Variants in KDM5A observed in about 807,000 individuals in gnomAD.
KDM5A encodes lysine demethylase 5A.
In KDM5A, 42 loss-of-function variants were observed where a neutral mutation model predicts 193.5. The observed-to-expected ratio is 0.22, with a 90% CI of 0.17 to 0.28. The LOEUF (loss-of-function observed/expected upper bound fraction) is 0.28. Among genes scored for constraint, KDM5A ranks in the 10% least tolerant of loss-of-function variants. KDM5A has a pLI of 1.00. For synonymous variants in KDM5A, 796 were observed against 718.1 expected, an observed-to-expected ratio of 1.11 and a Z score of -1.73; for missense variants, 1,692 against 2,055.1, an observed-to-expected ratio of 0.82 and a Z score of 3.42.
rs754011880 is a variant in KDM5A at position 307,033 on chromosome 12, T to C, written c.3987A>G (p.Ser1329=). The change falls in exon 24 of 28, where the codon TCA becomes TCG. Residue 1329 remains serine, a synonymous_variant. Coordinates refer to ENST00000399788, the MANE Select transcript of KDM5A (RefSeq NM_001042603.3). The surrounding 1 kb of genome is among the most constrained non-coding windows in gnomAD (Gnocchi z 4.3). ...AGTCCATTGTTTGTCGAGGAGAAGA[T>C]GACACACTGCTCACCACCCGGTTAA... ...SAFNRVVSSV[S]SSPRQTMDYD... The C allele has an allele frequency of 9.9e-6, 16 of 1,614,004 alleles. No homozygotes were observed. Among genetic ancestry groups the C allele is most frequent in the South Asian group, 9.9e-5 (9 of 91,082 alleles).
At position 363,006 on chromosome 12, in the gene KDM5A, CTTG is replaced by C; in HGVS notation, c.626_628del (p.Thr209del). ...TGTTCTCTTCGGCAGAATGTTCATC[CTTG>C]TGCCTGGCTCTGGGGAAGTTTGGGT... On this transcript the variant is annotated inframe_deletion, in exon 5 of 28. Coordinates refer to ENST00000399788, the MANE Select transcript of KDM5A (RefSeq NM_001042603.3). The C allele has an allele frequency of 6.2e-7, 1 of 1,614,166 alleles. No individual in the cohort carries two copies. The highest frequency in any genetic ancestry group is 8.5e-7 in the Non-Finnish European group (1 of 1,180,026).
At position 322,494 on chromosome 12, in the gene KDM5A, T is replaced by C; in HGVS notation, c.2349A>G (p.Lys783=). The C allele has an allele frequency of 6.2e-7, 1 of 1,613,658 alleles. No homozygotes were observed. The highest frequency in any genetic ancestry group is 8.5e-7 in the Non-Finnish European group (1 of 1,179,802). ...CAGCTTCTTTTACAGCATCCCTGAGTTTTCGAAAGAGATCATTCTCTGGGT... is the reference window on the plus strand; with the variant it reads ...CAGCTTCTTTTACAGCATCCCTGAGCTTTCGAAAGAGATCATTCTCTGGGT... The part of the protein sequence containing the change: ...RKYPENDLFR[K]LRDAVKEAET... The change falls in exon 17 of 28, where the codon AAA becomes AAG. Residue 783 remains lysine (K), a synonymous_variant. Transcript: ENST00000399788.
Position 333,483 on chromosome 12 carries a change from TCA to T in KDM5A, c.1653+2_1653+3del, listed in dbSNP as rs1247325750. 6.2e-7 allele frequency: 1 copy of T among 1,613,764 alleles called. No individual in the cohort carries two copies. The highest frequency in any genetic ancestry group is 8.5e-7 in the Non-Finnish European group (1 of 1,179,866). ...CAACTGAAGGAAGACACCAAAAGAC[TCA>T]CAGGCACACCATGCTCCATTAGCAC... On this transcript the variant is annotated splice_donor_variant and splice_donor_region_variant and intron_variant, in intron 12 of 27. Transcript: ENST00000399788. LOFTEE classifies it high-confidence loss of function.
rs369778981 is a variant in KDM5A at position 310,865 on chromosome 12, G to A, written c.3216+20C>T. 80 of 1,612,000 alleles carry A rather than the reference G, an allele frequency of 5.0e-5. No homozygotes were observed. The Admixed American group carries it at 5.8e-4, about 12-fold the overall frequency. ...TACTTAAATTATCAGCTGCTTATGA[G>A]AGTGTTGAAGTTCAAGTACCTGTAA... On this transcript the variant is annotated intron_variant, in intron 21 of 27. Transcript: ENST00000399788.
chr12:372,801 A>G (rs554377561), intron 3 of KDM5A, among the ~76,000 whole-genome samples: 2 of 152,348 alleles, frequency 1.3e-5, no homozygotes, highest in Admixed American at 6.5e-5. Context: ...TTTAGCATGA[A>G]GCATTGTTGA....
Position 307,499 on chromosome 12 carries a change from G to C in KDM5A, c.3885C>G (p.Ile1295Met). The change falls in exon 23 of 28, where the codon ATC becomes ATG. Residue 1295 changes from isoleucine (I) to methionine (M), a missense_variant. By Grantham distance (10) the Ile-to-Met change is conservative. Transcript: ENST00000399788. The surrounding 1 kb of genome is among the most constrained non-coding windows in gnomAD (Gnocchi z 4.3). The stretch of plus-strand genomic sequence containing the variant: ...CTGCTTTTTGGAGTTCTGCACTGAT[G>C]ATCTTTTCAGTTTTTTCTCGAGCCG... ...EQAAREKTEK[I>M]ISAELQKAAA... 1 of 1,613,728 alleles carries C rather than the reference G, an allele frequency of 6.2e-7. No homozygotes were observed. Among genetic ancestry groups the C allele is most frequent in the East Asian group, 2.2e-5 (1 of 44,878 alleles).
chr12:364,332 G>A (rs1381491425), intron 4 of KDM5A, among the ~76,000 whole-genome samples: 1 of 151,918 alleles, frequency 6.6e-6, no homozygotes, highest in African/African-American at 2.4e-5. Flanking sequence ...ATTAGCTGGG[G>A]GTGGTGGCAT....
chr12:371,471 G>A (rs555472298), intron 3 of KDM5A, among the ~76,000 whole-genome samples: 6 of 71,424 alleles, frequency 8.4e-5, no homozygotes, highest in South Asian at 3.9e-4. Context: ...TTTTTTTCTC[G>A]TAAATTTGAG....
chr12:342,461 T>G (rs7979745), intron 10 of KDM5A, among the ~76,000 whole-genome samples: 10,576 of 150,566 alleles, frequency 0.07, 892 homozygotes, highest in African/African-American at 0.21. Flanking sequence ...ATAAAATGTG[T>G]TTTTTTTTTC....
intron 3 of KDM5A, among the ~76,000 whole-genome samples, chr12:372,823 G>C (rs558105690): frequency 6.6e-6 from 1 of 152,256 alleles, no homozygotes; most frequent in South Asian, 2.1e-4. Context: ...TTTTGTCAAA[G>C]GCCTTTTCTG....
chr12:355,890 A>G (rs1944224742), intron 6 of KDM5A, among the ~76,000 whole-genome samples: 1 of 152,220 alleles, frequency 6.6e-6, no homozygotes, highest in Non-Finnish European at 1.5e-5. Context: ...GACATGTTAC[A>G]TAGAGAGAAC....
intron 26 of KDM5A, among the ~76,000 whole-genome samples, 166 bp from the exon 27 acceptor site, chr12:293,335 A>T (rs1943324468): frequency 6.6e-6 from 1 of 152,206 alleles, no homozygotes; most frequent in African/African-American, 2.4e-5. Flanking sequence ...TTTAGTGGGT[A>T]TAGTTTCTGT....
At chr12:354,875 G>T (rs1208322575) in intron 7 of KDM5A, among the ~76,000 whole-genome samples, 1 of 152,196 alleles carries the variant, frequency 6.6e-6, no homozygotes, top group East Asian at 1.9e-4. Context: ...GATAGAGAAT[G>T]AATACTGAGA....
chr12:386,412 G>T lies in KDM5A; in HGVS notation c.166-438C>A, dbSNP rs148663661. 8.1e-4 allele frequency among the ~76,000 whole-genome samples: 124 copies of T among 152,302 alleles called. 1 individual carries two copies. Among genetic ancestry groups the T allele is most frequent in the African/African-American group, 2.8e-3 (118 of 41,564 alleles). On this transcript the variant is annotated intron_variant, in intron 1 of 27. Coordinates refer to ENST00000399788, the MANE Select transcript of KDM5A (RefSeq NM_001042603.3). ...TGTCAGTAGCTCAGCCACCAGTGTGGACAATTTGTGGTTGTCTGGCATCAC... is the reference window on the plus strand; with the variant it reads ...TGTCAGTAGCTCAGCCACCAGTGTGTACAATTTGTGGTTGTCTGGCATCAC...
At position 308,049 on chromosome 12, in the gene KDM5A, A is replaced by G. The variant is rs1555128566; in HGVS notation, c.3379-44T>C. The G allele has an allele frequency of 9.6e-6, 15 of 1,566,798 alleles. No individual in the cohort carries two copies. The South Asian group carries it at 1.6e-4, about 16-fold the overall frequency. Reference sequence around the variant, plus strand: ...TAATTGAAAAGAGTCACTGCAATATACCCCCCAAAATACCAAATCCTCAAG... The same window carrying G: ...TAATTGAAAAGAGTCACTGCAATATGCCCCCCAAAATACCAAATCCTCAAG... On this transcript the variant is annotated intron_variant, in intron 22 of 27. Coordinates refer to ENST00000399788, the MANE Select transcript of KDM5A (RefSeq NM_001042603.3).
At chr12:316,895 C>T (rs1943656845) in intron 19 of KDM5A, among the ~76,000 whole-genome samples, 1 of 152,134 alleles carries the variant, frequency 6.6e-6, no homozygotes. Context: ...TAGTTAAGTA[C>T]ACAGAGGTAT....
chr12:361,487 C>T (rs1379304896), intron 5 of KDM5A, among the ~76,000 whole-genome samples: 3 of 152,172 alleles, frequency 2.0e-5, no homozygotes, highest in African/African-American at 4.8e-5. Flanking sequence ...AGCCACCATG[C>T]CCGGCCTGTA....
chr12:291,613 T>C (rs1457994536), intron 27 of KDM5A, among the ~76,000 whole-genome samples: 6 of 152,196 alleles, frequency 3.9e-5, no homozygotes, highest in Middle Eastern at 3.2e-3. Context: ...GCATAACCTA[T>C]AGGGAACAGT....
At chr12:310,808 A>G (rs1943574596) in intron 21 of KDM5A, 77 bp downstream of exon 21, 22 of 1,451,298 alleles carry the variant, frequency 1.5e-5, no homozygotes, top group Non-Finnish European at 2.1e-5. Flanking sequence ...GTAATCAGAT[A>G]AACTGAAAAT....
Sources: gnomAD v4.1 joint callset for allele counts (sites outside exome capture counted in the v4.1 genomes callset) on GRCh38, gnomAD v4.1.1 for gene constraint, Gnocchi (gnomAD v3.1) non-coding constraint, MANE v1.5 for transcripts, NCBI Gene and HGNC (gene_info 2026-07-23, HGNC 2026-07-21) for gene names.